The following PSD3 variants were observed in gnomAD, a reference collection of about 807,000 sequenced individuals.
PSD3 encodes pleckstrin and Sec7 domain containing 3, also known as PH and SEC7 domain-containing protein 3.
PSD3 carries 49 observed loss-of-function variants against 105.5 expected under a neutral mutation model. That is an observed-to-expected ratio of 0.46 (90% confidence interval 0.37 to 0.59). PSD3 has a LOEUF of 0.59. PSD3 is among the 20% of genes least tolerant of loss of function. The pLI is 0.00. For missense variants in PSD3, 1,561 were observed against 1,263.8 expected (o/e 1.24, Z -3.57); for synonymous variants, 557 against 457.8 (o/e 1.22, Z -2.77).
Position 18,871,707 on chromosome 8 carries a change from T to C in PSD3, c.1157A>G (p.Glu386Gly). Residue 386 changes from glutamate to glycine, a missense_variant, in exon 3 of 16, where the codon GAG (glutamate) becomes GGG (glycine). Transcript: ENST00000327040. ...SGTFSPVRLD[E>G]SGEDEVFLQE... is the part of the protein sequence containing the mutation. Reference sequence around the variant, plus strand: ...TAGGAAGACTTCATCCTCTCCACTCTCATCAAGACGCACAGGGGAAAATGT... The same window carrying C: ...TAGGAAGACTTCATCCTCTCCACTCCCATCAAGACGCACAGGGGAAAATGT... 6.2e-7 allele frequency: 1 copy of C among 1,614,154 alleles called. No homozygotes were observed. Among genetic ancestry groups the C allele is most frequent in the Non-Finnish European group, 8.5e-7 (1 of 1,180,022 alleles).
upstream of PSD3, among the ~76,000 whole-genome samples, chr8:19,018,420 G>A (rs1827243632): frequency 2.0e-5 from 3 of 151,970 alleles, no homozygotes; most frequent in African/African-American, 7.3e-5. Flanking sequence ...CTATTTGGGT[G>A]ATGTTACATT....
chr8:18,615,723 A>T (rs1248810188), intron 11 of PSD3, among the ~76,000 whole-genome samples: 1 of 152,216 alleles, frequency 6.6e-6, no homozygotes, highest in Non-Finnish European at 1.5e-5. Context: ...AAATCATCGC[A>T]GTCTATCTGA....
intron 1 of PSD3, among the ~76,000 whole-genome samples, chr8:18,939,011 C>G (rs534981520): frequency 1.7e-5 from 2 of 120,900 alleles, no homozygotes; most frequent in South Asian, 5.5e-4. Context: ...GCCCCAAGGA[C>G]TCACTAAAAC....
rs550339269 is a variant in PSD3, at chr8:19,081,120, CG to C, written c.324+3085del. Among the ~76,000 whole-genome samples, 16 of 152,240 alleles carry C rather than the reference CG, an allele frequency of 1.1e-4. No individual in the cohort carries two copies. The East Asian group carries it at 3.1e-3, about 29-fold the overall frequency. Reference sequence around the variant, plus strand: ...AGATGGTTAGGGCAGGCTCTGGTCCCGGCCCATAGAATATTCTCTGATTCAC... The same window carrying C: ...AGATGGTTAGGGCAGGCTCTGGTCCCGCCCATAGAATATTCTCTGATTCAC... On this transcript the variant is annotated intron_variant, in intron 1 of 1. Transcript: ENST00000521475.
intron 9 of PSD3, among the ~76,000 whole-genome samples, chr8:18,743,769 T>G (rs2129435285): frequency 1.4e-5 from 1 of 71,818 alleles, no homozygotes; most frequent in African/African-American, 5.8e-5. Flanking sequence ...AGACCCTGTC[T>G]CTATTAAAAA....
At chr8:18,790,819 C>T (rs779471013) in intron 8 of PSD3, among the ~76,000 whole-genome samples, 1 of 151,458 alleles carries the variant, frequency 6.6e-6, no homozygotes, top group Non-Finnish European at 1.5e-5. Flanking sequence ...TGGGAAGCTC[C>T]AAGTCAGGTA....
At chr8:18,729,707 G>A (rs1803591105) in intron 9 of PSD3, among the ~76,000 whole-genome samples, 2 of 152,112 alleles carry the variant, frequency 1.3e-5, no homozygotes, top group South Asian at 4.1e-4. Context: ...TAAATAGCTT[G>A]CACTCTCTCT....
intron 14 of PSD3, among the ~76,000 whole-genome samples, chr8:18,565,943 C>G (rs574847057): frequency 2.3e-4 from 35 of 152,186 alleles, no homozygotes; most frequent in African/African-American, 8.4e-4. Flanking sequence ...CAGAGGCCCT[C>G]ACGACAAAGA....
intron 2 of PSD3, chr8:18,887,019 T>C (rs1006756380): frequency 6.6e-6 from 1 of 152,264 alleles, no homozygotes; most frequent in Admixed American, 6.5e-5. Flanking sequence ...TTAGCTTTAA[T>C]GTAACCATGT....
chr8:18,970,273 C>T (rs1184079024), intron 1 of PSD3, among the ~76,000 whole-genome samples: 2 of 120,724 alleles, frequency 1.7e-5, no homozygotes, highest in Admixed American at 1.3e-4. Flanking sequence ...TGCAGTGAGC[C>T]GAGATCGCAC....
In PSD3 at chr8:18,561,870, G is replaced by A. The variant is rs528189949; in HGVS notation, c.2785-5518C>T. ...TGAAGATCTTGCAGTGTGAGTCAAG[G>A]GCTGACTTGGAGTTACAGTCCTTCT... On this transcript the variant is annotated intron_variant, in intron 14 of 15. Coordinates refer to ENST00000327040, the MANE Select transcript of PSD3 (RefSeq NM_015310.4). Among the ~76,000 whole-genome samples, 17 of 152,226 alleles carry A rather than the reference G, an allele frequency of 1.1e-4. No homozygotes were observed. The South Asian group carries it at 2.5e-3, about 22-fold the overall frequency.
chr8:18,618,943 C>A (rs999128702), intron 11 of PSD3, among the ~76,000 whole-genome samples: 6 of 152,162 alleles, frequency 3.9e-5, no homozygotes, highest in Non-Finnish European at 7.3e-5. Flanking sequence ...CCAAAGATAT[C>A]ACGGAACTTC....
At chr8:18,914,956 C>T (rs901820510) in intron 2 of PSD3, among the ~76,000 whole-genome samples, 8 of 152,038 alleles carry the variant, frequency 5.3e-5, no homozygotes, top group African/African-American at 9.7e-5. Context: ...AAATGTACTA[C>T]GAAACTATGG....
intron 2 of PSD3, among the ~76,000 whole-genome samples, chr8:18,904,463 AT>A (rs1819710845): frequency 6.6e-6 from 1 of 152,144 alleles, no homozygotes. Context: ...GATACAAGAC[AT>A]GGCGTCAAGG....
intron 1 of PSD3, among the ~76,000 whole-genome samples, chr8:19,032,004 T>G (rs975337005): frequency 1.1e-4 from 16 of 152,132 alleles, no homozygotes; most frequent in Non-Finnish European, 1.9e-4. Context: ...ATAGCCTGCT[T>G]AGGGAAATCC....
intron 2 of PSD3, among the ~76,000 whole-genome samples, chr8:18,885,420 A>T (rs1042037586): frequency 6.6e-6 from 1 of 152,218 alleles, no homozygotes. Context: ...TTTCGTATAT[A>T]TGTAGGAAAT....
In PSD3 at chr8:18,572,394, T is replaced by G. The variant is rs1343077220; in HGVS notation, c.2784+134A>C. On this transcript the variant is annotated intron_variant, in intron 14 of 15. Transcript: ENST00000327040. Reference sequence around the variant, plus strand: ...CAGTGTACTGCATATCTGCCTCATTTATATGATACGCTCTCACAGGGCAAG... The same window carrying G: ...CAGTGTACTGCATATCTGCCTCATTGATATGATACGCTCTCACAGGGCAAG... 1.8e-5 allele frequency: 20 copies of G among 1,092,192 alleles called. No homozygotes were observed. The East Asian group carries it at 4.5e-4, about 25-fold the overall frequency. 67.7% of individuals were successfully genotyped at this position (1,092,192 alleles called of 1,614,324 possible). A position where few individuals can be genotyped will look rare whatever the true frequency, so the allele number is the denominator to read the frequency against.
chr8:18,759,707 C>T (rs757138214), intron 9 of PSD3, among the ~76,000 whole-genome samples: 1 of 152,088 alleles, frequency 6.6e-6, no homozygotes, highest in Non-Finnish European at 1.5e-5. Flanking sequence ...AATCTACAGT[C>T]TAGATGTCTC....
rs545958693 is a variant in PSD3 at position 18,731,674 on chromosome 8, G to T, written c.2172+33775C>A. On this transcript the variant is annotated intron_variant, in intron 9 of 15. Transcript: ENST00000327040. ...TTATAGAAACTGAAACCAGGACTCA[G>T]AACAGTCATGTGTTCTACTCAGGAA... is the stretch of plus-strand genomic sequence containing the variant. Among the ~76,000 whole-genome samples the T allele has an allele frequency of 5.2e-4, 79 of 152,268 alleles. 1 individual carries two copies. The highest frequency in any genetic ancestry group is 1.8e-3 in the African/African-American group (74 of 41,540).
Sources: allele counts gnomAD v4.1 joint callset (sites outside exome capture counted in the v4.1 genomes callset), GRCh38; gene constraint gnomAD v4.1.1; transcripts MANE v1.5; gene names NCBI Gene and HGNC (gene_info 2026-07-23, HGNC 2026-07-21).